The following CPEB3 variants were observed in gnomAD, a reference collection of about 807,000 sequenced individuals.
CPEB3 encodes cytoplasmic polyadenylation element binding protein 3.
A neutral mutation model predicts 67.2 loss-of-function variants in CPEB3; 20 were observed. The observed-to-expected ratio is 0.30, with a 90% CI of 0.21 to 0.43. CPEB3 has a LOEUF of 0.43. Among genes scored for constraint, CPEB3 ranks in the 20% least tolerant of loss-of-function variants. The pLI is 1.00. For missense variants in CPEB3, 746 were observed against 968.6 expected (o/e 0.77, Z 3.05); for synonymous variants, 376 against 393.1 (o/e 0.96, Z 0.51).
intron 1 of CPEB3, among the ~76,000 whole-genome samples, chr10:92,278,565 T>G (rs1384155808): frequency 6.6e-6 from 1 of 152,042 alleles, no homozygotes; most frequent in Non-Finnish European, 1.5e-5. Context: ...ACATTGAGCT[T>G]ATATCCTACA....
chr10:92,284,915 C>T (rs962448379), intron 1 of CPEB3, among the ~76,000 whole-genome samples: 9 of 152,134 alleles, frequency 5.9e-5, no homozygotes, highest in South Asian at 2.1e-4. Context: ...CAGTTGTCTT[C>T]GTCCATTTTA....
intron 6 of CPEB3, among the ~76,000 whole-genome samples, chr10:92,111,965 G>C (rs998127689): frequency 6.6e-6 from 1 of 152,106 alleles, no homozygotes; most frequent in Admixed American, 6.5e-5. Flanking sequence ...ATACCCTCTT[G>C]GCAGAGTACA....
chr10:92,215,184 A>C, intron 2 of CPEB3, among the ~76,000 whole-genome samples: 5 of 133,872 alleles, frequency 3.7e-5, no homozygotes, highest in African/African-American at 5.7e-5. Flanking sequence ...ACGGAGTCTC[A>C]CTCTGTTGCC....
chr10:92,062,436 T>C (rs833380), intron 9 of CPEB3, among the ~76,000 whole-genome samples: 107,999 of 151,874 alleles, frequency 0.71, 38,597 homozygotes, highest in East Asian at 0.77. Context: ...TTGGCTCGTA[T>C]TGAAGGGTGA....
intron 2 of CPEB3, among the ~76,000 whole-genome samples, chr10:92,232,344 C>T (rs1222053497): frequency 4.0e-5 from 6 of 151,886 alleles, no homozygotes; most frequent in Non-Finnish European, 8.8e-5. Flanking sequence ...CGTGAGCCAC[C>T]GTGCCTGAGC....
chr10:92,215,733 G>A (rs1399017634), intron 2 of CPEB3, among the ~76,000 whole-genome samples: 7 of 132,960 alleles, frequency 5.3e-5, no homozygotes, highest in African/African-American at 1.7e-4. Context: ...GAGCCATGGC[G>A]CCTGGCTTTT....
chr10:92,100,266 G>GT (rs1330074202), intron 7 of CPEB3, among the ~76,000 whole-genome samples: 17 of 151,562 alleles, frequency 1.1e-4, no homozygotes, highest in East Asian at 3.9e-4. Context: ...GAAAACATAG[G>GT]TTTTTTTTTG....
chr10:92,240,476 G>T, intron 1 of CPEB3, 115 bp from the exon 2 acceptor site: 1 of 989,046 alleles, frequency 1.0e-6, no homozygotes, highest in South Asian at 2.2e-5. Flanking sequence ...CTAGCCAATT[G>T]CAATGCAAAT....
At chr10:92,247,625 G>A (rs967935350) in intron 1 of CPEB3, among the ~76,000 whole-genome samples, 8 of 152,032 alleles carry the variant, frequency 5.3e-5, no homozygotes, top group Admixed American at 1.3e-4. Context: ...TCGAGCTCCC[G>A]ACCTCAGGTG....
Position 92,239,292 on chromosome 10 carries a change from T to C in CPEB3, c.1005+54A>G. 2.6e-6 allele frequency: 4 copies of C among 1,550,892 alleles called. No individual in the cohort carries two copies. Among genetic ancestry groups the C allele is most frequent in the Non-Finnish European group, 3.5e-6 (4 of 1,142,592 alleles). On this transcript the variant is annotated intron_variant, in intron 2 of 9. Transcript: ENST00000265997. This position sits in a 1 kb window ranked among gnomAD's most constrained non-coding sequence, Gnocchi z 6.0. ...GGTGGATGATTAAAAGTCAGAGAAG[T>C]GGCAAAAGGAGCGGGGCAGAGGGAA...
At chr10:92,064,024 T>C (rs142072851) in intron 9 of CPEB3, among the ~76,000 whole-genome samples, 1 of 152,188 alleles carries the variant, frequency 6.6e-6, no homozygotes, top group African/African-American at 2.4e-5. Context: ...AAAAAATTGG[T>C]AAGTCAAAGT....
At chr10:92,262,435 G>C (rs1351884832) in intron 1 of CPEB3, among the ~76,000 whole-genome samples, 1 of 152,152 alleles carries the variant, frequency 6.6e-6, no homozygotes, top group Non-Finnish European at 1.5e-5. Flanking sequence ...TAAGAGTTAA[G>C]TACCTTCATT....
intron 2 of CPEB3, among the ~76,000 whole-genome samples, chr10:92,224,332 C>T (rs192083920): frequency 6.6e-6 from 1 of 152,262 alleles, no homozygotes; most frequent in African/African-American, 2.4e-5. Context: ...ACTTCACTCA[C>T]CAACTTAAAA....
chr10:92,245,371 C>T (rs985902043), intron 1 of CPEB3, among the ~76,000 whole-genome samples: 3 of 151,806 alleles, frequency 2.0e-5, no homozygotes, highest in East Asian at 1.9e-4. Flanking sequence ...CTCCTGACCT[C>T]GTGATTTGCC....
chr10:92,170,751 C>T (rs1847963530), intron 4 of CPEB3, among the ~76,000 whole-genome samples: 1 of 152,088 alleles, frequency 6.6e-6, no homozygotes, highest in African/African-American at 2.4e-5. Context: ...GAATTGTAAT[C>T]ACATAACAGA....
At chr10:92,204,571 G>A (rs1849688959) in intron 2 of CPEB3, among the ~76,000 whole-genome samples, 1 of 152,152 alleles carries the variant, frequency 6.6e-6, no homozygotes, top group Non-Finnish European at 1.5e-5. Flanking sequence ...AACCTGGTAA[G>A]TACCAAAGAA....
chr10:92,091,807 G>T (rs1333826016), intron 8 of CPEB3, 23 bp downstream of exon 8: 5 of 1,385,026 alleles, frequency 3.6e-6, no homozygotes, highest in Non-Finnish European at 5.1e-6. Context: ...TTTTGTTGTT[G>T]TGGTATTACT....
At chr10:92,188,023 T>C (rs534693981) in intron 3 of CPEB3, among the ~76,000 whole-genome samples, 6 of 151,372 alleles carry the variant, frequency 4.0e-5, no homozygotes, top group African/African-American at 9.7e-5. Flanking sequence ...TGGTGAAACC[T>C]TGTCTCTACA....
Position 92,049,713 on chromosome 10 carries a change from A to G in CPEB3, c.*2499T>C, listed in dbSNP as rs1852220207. 6.5e-6 allele frequency: 1 copy of G among 152,712 alleles called. No homozygotes were observed. Among genetic ancestry groups the G allele is most frequent in the South Asian group, 2.1e-4 (1 of 4,826 alleles). 9.5% of individuals were successfully genotyped at this position (152,712 alleles called of 1,614,324 possible). On this transcript the variant is annotated 3_prime_UTR_variant, in exon 10 of 10. Transcript: ENST00000265997. ...TGTTTTTTGCCTTCACTTTAGCTTT[A>G]TGCTGTACAATCTTCCAGCTTTTAA...
Sources: allele counts gnomAD v4.1 joint callset (sites outside exome capture counted in the v4.1 genomes callset), GRCh38; gene constraint gnomAD v4.1.1; non-coding constraint Gnocchi (gnomAD v3.1); transcripts MANE v1.5; gene names NCBI Gene and HGNC (gene_info 2026-07-23, HGNC 2026-07-21).